Variants in FAT3 observed in about 807,000 individuals in gnomAD.
FAT3 encodes protocadherin Fat 3.
Under a neutral mutation model 310.2 loss-of-function variants are expected in FAT3, and 95 were observed. That is an observed-to-expected ratio of 0.31 (90% CI 0.26 to 0.36). The LOEUF (loss-of-function observed/expected upper bound fraction) is 0.36. Among genes scored for constraint, FAT3 ranks in the 10% least tolerant of loss-of-function variants. FAT3 has a pLI of 1.00. For synonymous variants in FAT3, 2,314 were observed against 2,192.9 expected (o/e 1.06, Z -1.54); for missense variants, 5,408 against 5,715.6 (o/e 0.95, Z 1.74).
At chr11:92,525,037 T>C in intron 3 of FAT3, 89 bp downstream of exon 3, 1 of 1,105,138 alleles carries the variant, frequency 9.0e-7, no homozygotes. Context: ...ATTTACTTTA[T>C]TTTCTAAAGA....
chr11:92,848,452 T>C (rs1948740724), intron 19 of FAT3, among the ~76,000 whole-genome samples: 1 of 152,148 alleles, frequency 6.6e-6, no homozygotes, highest in African/African-American at 2.4e-5. Context: ...CGAGCCCGTA[T>C]AGGAGATGTG....
At chr11:92,373,070 A>G (rs529686874) in intron 2 of FAT3, among the ~76,000 whole-genome samples, 1 of 152,176 alleles carries the variant, frequency 6.6e-6, no homozygotes, top group African/African-American at 2.4e-5. Context: ...TTGGGAGGGA[A>G]GTAGAGGGGC....
At chr11:92,705,292 G>GTGATGGTGGTGGTGTGA (rs1944237237) in intron 4 of FAT3, among the ~76,000 whole-genome samples, 4 of 151,948 alleles carry the variant, frequency 2.6e-5, no homozygotes, top group African/African-American at 9.7e-5. Context: ...ACAAGGAGTG[G>GTGATGGTGGTGGTGTGA]TGATGGTGGT....
At chr11:92,692,176 C>T (rs773260128) in intron 3 of FAT3, among the ~76,000 whole-genome samples, 19 of 152,088 alleles carry the variant, frequency 1.2e-4, no homozygotes, top group Non-Finnish European at 2.6e-4. Context: ...AACAGGAAAA[C>T]ATTAAAGTTA....
intron 3 of FAT3, among the ~76,000 whole-genome samples, chr11:92,650,616 A>T (rs1942340501): frequency 6.6e-6 from 1 of 152,140 alleles, no homozygotes; most frequent in African/African-American, 2.4e-5. Context: ...AAATACTCCC[A>T]TTGCAGCCAA....
At chr11:92,757,983 A>G (rs1316625489) in intron 4 of FAT3, among the ~76,000 whole-genome samples, 1 of 152,188 alleles carries the variant, frequency 6.6e-6, no homozygotes, top group Admixed American at 6.5e-5. Flanking sequence ...GTGCATGGTT[A>G]AAACTGTCCA....
At chr11:92,489,903 A>C (rs1234602542) in intron 2 of FAT3, among the ~76,000 whole-genome samples, 4 of 115,916 alleles carry the variant, frequency 3.5e-5, no homozygotes, top group African/African-American at 1.5e-4. Flanking sequence ...TTTTTTTTTT[A>C]CTTTCTCCCA....
intron 10 of FAT3, among the ~76,000 whole-genome samples, chr11:92,803,767 A>G (rs950489802): frequency 1.3e-5 from 2 of 152,230 alleles, no homozygotes; most frequent in African/African-American, 2.4e-5. Flanking sequence ...TGTAATGTCA[A>G]TACACATATC....
At chr11:92,246,324 G>A (rs185534945) in intron 1 of FAT3, among the ~76,000 whole-genome samples, 15 of 152,228 alleles carry the variant, frequency 9.9e-5, no homozygotes, top group African/African-American at 2.9e-4. Context: ...ACAGGAGCCT[G>A]AGCTTCAGAT....
intron 3 of FAT3, among the ~76,000 whole-genome samples, chr11:92,596,450 C>G (rs1017654557): frequency 3.3e-5 from 5 of 152,122 alleles, no homozygotes; most frequent in African/African-American, 9.7e-5. Context: ...TGGTGAAGGT[C>G]TCTTTCAGAT....
intron 2 of FAT3, among the ~76,000 whole-genome samples, chr11:92,391,356 C>G (rs531332885): frequency 8.5e-5 from 13 of 152,256 alleles, no homozygotes; most frequent in Admixed American, 5.2e-4. Flanking sequence ...CCAAGTGTTT[C>G]TAGCTTGTTT....
At chr11:92,665,889 G>A (rs796080270) in intron 3 of FAT3, among the ~76,000 whole-genome samples, 36 of 152,268 alleles carry the variant, frequency 2.4e-4, no homozygotes, top group African/African-American at 8.4e-4. Context: ...GCTTGCAATA[G>A]GCCAGACATA....
intron 3 of FAT3, among the ~76,000 whole-genome samples, chr11:92,545,755 G>C (rs1259590594): frequency 6.6e-6 from 1 of 152,178 alleles, no homozygotes; most frequent in Admixed American, 6.5e-5. Context: ...GTCCTGGTTT[G>C]CTTGGGAATT....
At chr11:92,819,339 C>T (rs966044089) in intron 13 of FAT3, among the ~76,000 whole-genome samples, 5 of 152,166 alleles carry the variant, frequency 3.3e-5, no homozygotes, top group African/African-American at 1.2e-4. Context: ...TCTCAAACTT[C>T]AGTGAGCATA....
At chr11:92,423,332 A>G (rs1273743441) in intron 2 of FAT3, among the ~76,000 whole-genome samples, 3 of 152,194 alleles carry the variant, frequency 2.0e-5, no homozygotes, top group Non-Finnish European at 4.4e-5. Context: ...AGCTCATTGC[A>G]TTGCCATCAT....
intron 3 of FAT3, among the ~76,000 whole-genome samples, chr11:92,648,374 G>T (rs1177438137): frequency 6.6e-6 from 1 of 152,148 alleles, no homozygotes; most frequent in African/African-American, 2.4e-5. Context: ...TACCTTTGGG[G>T]GTGTGCTGTG....
chr11:92,425,465 GC>G (rs1950612087), intron 2 of FAT3, among the ~76,000 whole-genome samples: 1 of 151,960 alleles, frequency 6.6e-6, no homozygotes, highest in Non-Finnish European at 1.5e-5. Context: ...GTATACATGT[GC>G]CGTGGTGGTT....
intron 21 of FAT3, among the ~76,000 whole-genome samples, chr11:92,859,580 C>G (rs1052457244): frequency 2.0e-5 from 3 of 152,154 alleles, no homozygotes; most frequent in Non-Finnish European, 4.4e-5. Context: ...TTCCTTTGAG[C>G]TGTAATCGCT....
intron 3 of FAT3, among the ~76,000 whole-genome samples, chr11:92,580,986 T>C (rs908298046): frequency 6.6e-6 from 1 of 152,076 alleles, no homozygotes; most frequent in Non-Finnish European, 1.5e-5. Flanking sequence ...TAGATTCTTA[T>C]TTGTTTACAC....
Sources: allele counts gnomAD v4.1 joint callset (sites outside exome capture counted in the v4.1 genomes callset), GRCh38; gene constraint gnomAD v4.1.1; transcripts MANE v1.5; gene names NCBI Gene and HGNC (gene_info 2026-07-23, HGNC 2026-07-21).